SMOC1: variants seen among roughly 807,000 people sequenced by gnomAD.
SMOC1 encodes SPARC-related modular calcium-binding protein 1.
Under a neutral mutation model 56.3 loss-of-function variants are expected in SMOC1, and 22 were observed. The observed-to-expected ratio is 0.39, with a 90% confidence interval of 0.28 to 0.56. The LOEUF is 0.56. Among genes scored for constraint, SMOC1 ranks in the 20% least tolerant of loss-of-function variants. The probability of loss-of-function intolerance (pLI) is 0.61; values close to 1 mark genes in which losing one functional copy is unlikely to be tolerated. For missense variants in SMOC1, 509 were observed against 565.4 expected (o/e 0.90, Z 1.01); for synonymous variants, 193 against 215.0 (o/e 0.90, Z 0.89).
intron 1 of SMOC1, among the ~76,000 whole-genome samples, chr14:69,888,818 T>C (rs893378406): frequency 1.3e-5 from 2 of 152,212 alleles, no homozygotes; most frequent in Non-Finnish European, 2.9e-5. Flanking sequence ...CATTTATTCT[T>C]GAAACTTCTG....
intron 1 of SMOC1, among the ~76,000 whole-genome samples, chr14:69,932,238 C>T (rs1017116672): frequency 3.9e-5 from 6 of 152,248 alleles, no homozygotes; most frequent in Non-Finnish European, 7.3e-5. Context: ...GCCACAGGCA[C>T]AGCCCCTGAA....
At chr14:69,924,047 G>A (rs916507486) in intron 1 of SMOC1, among the ~76,000 whole-genome samples, 1 of 152,250 alleles carries the variant, frequency 6.6e-6, no homozygotes, top group Non-Finnish European at 1.5e-5. Context: ...AACGTCAACA[G>A]CATCCGCTAC....
intron 1 of SMOC1, among the ~76,000 whole-genome samples, chr14:69,925,712 GCAAA>G (rs1281937506): frequency 1.3e-5 from 2 of 152,206 alleles, no homozygotes; most frequent in South Asian, 4.1e-4. Context: ...ACTGGAGGAA[GCAAA>G]CAAAGAGATG....
intron 7 of SMOC1, among the ~76,000 whole-genome samples, chr14:70,005,285 A>G (rs1314859666): frequency 1.3e-5 from 2 of 152,368 alleles, no homozygotes; most frequent in African/African-American, 4.8e-5. Flanking sequence ...TAGGTTATCC[A>G]TGCTTTCCTT....
intron 1 of SMOC1, among the ~76,000 whole-genome samples, chr14:69,939,399 A>G (rs1030446522): frequency 6.6e-6 from 1 of 152,218 alleles, no homozygotes; most frequent in African/African-American, 2.4e-5. Context: ...CCATGATTCA[A>G]TTACTTCCCA....
At chr14:69,900,820 T>C (rs1884224548) in intron 1 of SMOC1, among the ~76,000 whole-genome samples, 1 of 152,256 alleles carries the variant, frequency 6.6e-6, no homozygotes, top group African/African-American at 2.4e-5. Flanking sequence ...TCATTGTGCT[T>C]GCCACAGCTG....
intron 1 of SMOC1, among the ~76,000 whole-genome samples, chr14:69,912,786 C>A (rs1227125547): frequency 6.6e-6 from 1 of 152,086 alleles, no homozygotes; most frequent in East Asian, 1.9e-4. Context: ...GGTAGAAGAG[C>A]CTTGCATTCT....
At chr14:69,936,734 A>T (rs747951495) in intron 1 of SMOC1, among the ~76,000 whole-genome samples, 65 of 152,208 alleles carry the variant, frequency 4.3e-4, no homozygotes, top group Admixed American at 7.2e-4. Flanking sequence ...CATCCCTTTA[A>T]AACAGGTGTT....
At chr14:69,922,296 AGTG>A (rs1884867220) in intron 1 of SMOC1, among the ~76,000 whole-genome samples, 2 of 152,242 alleles carry the variant, frequency 1.3e-5, no homozygotes, top group Non-Finnish European at 2.9e-5. Flanking sequence ...CCCAATAAAC[AGTG>A]GTGATGTTGT....
intron 3 of SMOC1, among the ~76,000 whole-genome samples, chr14:69,964,761 GT>G (rs1883506577): frequency 2.0e-5 from 3 of 152,260 alleles, no homozygotes; most frequent in South Asian, 4.2e-4. Flanking sequence ...CACATGTTAA[GT>G]TATTCAGTCC....
chr14:70,007,787 A>G (rs1885196818), intron 7 of SMOC1, among the ~76,000 whole-genome samples: 1 of 152,220 alleles, frequency 6.6e-6, no homozygotes, highest in South Asian at 2.1e-4. Context: ...AAAGGGATTC[A>G]TTAGGTAAAG....
intron 10 of SMOC1, among the ~76,000 whole-genome samples, chr14:70,021,263 C>A (rs550372778): frequency 1.3e-5 from 2 of 152,302 alleles, no homozygotes; most frequent in African/African-American, 4.8e-5. Context: ...CAGGGACAGG[C>A]AGGTCACTCC....
chr14:70,014,781 G>A (rs146403230), intron 10 of SMOC1, among the ~76,000 whole-genome samples: 2 of 152,288 alleles, frequency 1.3e-5, no homozygotes, highest in Admixed American at 1.3e-4. Context: ...AGGAGGGAGC[G>A]TTAGTCCCCC....
At chr14:69,904,235 T>G (rs997294109) in intron 1 of SMOC1, among the ~76,000 whole-genome samples, 2 of 152,254 alleles carry the variant, frequency 1.3e-5, no homozygotes, top group African/African-American at 4.8e-5. Flanking sequence ...GAGTCAGGAC[T>G]GATACACTTC....
intron 5 of SMOC1, among the ~76,000 whole-genome samples, chr14:69,982,667 A>C (rs528959599): frequency 6.6e-6 from 1 of 152,234 alleles, no homozygotes; most frequent in East Asian, 1.9e-4. Flanking sequence ...GTGAAATGTC[A>C]CTCCTGCTCA....
chr14:69,937,817 G>A (rs1882377755), intron 1 of SMOC1, among the ~76,000 whole-genome samples: 2 of 152,126 alleles, frequency 1.3e-5, no homozygotes, highest in African/African-American at 4.8e-5. Flanking sequence ...GTGATCTGAA[G>A]CCAGGCATCA....
intron 1 of SMOC1, among the ~76,000 whole-genome samples, chr14:69,947,087 G>GTTCCTTCCTTCCTT (rs1882810025): frequency 5.6e-5 from 8 of 143,474 alleles, no homozygotes; most frequent in Non-Finnish European, 7.6e-5. Flanking sequence ...TCTCAGGCCG[G>GTTCCTTCCTTCCTT]CCTTCCTTCC....
At chr14:69,987,966 A>G (rs1884428288) in intron 5 of SMOC1, among the ~76,000 whole-genome samples, 1 of 152,186 alleles carries the variant, frequency 6.6e-6, no homozygotes, top group Admixed American at 6.5e-5. Flanking sequence ...CGGAGGCCAA[A>G]TGCCAGGGCT....
At chr14:69,949,288 C>T (rs1172918568) in intron 1 of SMOC1, among the ~76,000 whole-genome samples, 2 of 152,054 alleles carry the variant, frequency 1.3e-5, no homozygotes, top group African/African-American at 4.8e-5. Flanking sequence ...GTGGCAGGAG[C>T]CCGGAAAGCC....
Sources: allele counts gnomAD v4.1 joint callset (sites outside exome capture counted in the v4.1 genomes callset), GRCh38; gene constraint gnomAD v4.1.1; transcripts MANE v1.5; gene names NCBI Gene and HGNC (gene_info 2026-07-23, HGNC 2026-07-21).